PALS2: variants seen among roughly 807,000 people sequenced by gnomAD.
The protein encoded by PALS2 is protein associated with LIN7 2, MAGUK p55 family member, also known as protein PALS2.
PALS2 carries 27 observed loss-of-function variants against 61.6 expected under a neutral mutation model. That is an observed-to-expected ratio of 0.44 (90% CI 0.32 to 0.60). The LOEUF is 0.60. PALS2 is among the 20% of genes least tolerant of loss of function. The pLI, the probability that PALS2 is intolerant of heterozygous loss-of-function variation, is 0.05. For synonymous variants in PALS2, 236 were observed against 218.6 expected (o/e 1.08, Z -0.70); for missense variants, 554 against 639.4 (o/e 0.87, Z 1.44).
chr7:24,632,139 A>G (rs1229569186), intron 2 of PALS2, among the ~76,000 whole-genome samples: 1 of 152,204 alleles, frequency 6.6e-6, no homozygotes, highest in Non-Finnish European at 1.5e-5. Flanking sequence ...TGTTAAACAC[A>G]CATTCACTAA....
chr7:24,607,521 ATATG>A (rs1430790271), intron 1 of PALS2, among the ~76,000 whole-genome samples: 1 of 151,676 alleles, frequency 6.6e-6, no homozygotes, highest in Non-Finnish European at 1.5e-5. Context: ...ATATGTGTAT[ATATG>A]TGTGTGTATA....
intron 3 of PALS2, among the ~76,000 whole-genome samples, chr7:24,648,837 G>A (rs1201129440): frequency 6.6e-6 from 1 of 150,396 alleles, no homozygotes; most frequent in Non-Finnish European, 1.5e-5. Context: ...CCCAGGAAGT[G>A]GGGGTTGCAG....
In PALS2 at chr7:24,649,639, G is replaced by A. The variant is rs201115626; in HGVS notation, c.298G>A (p.Ala100Thr). The A allele has an allele frequency of 1.2e-6, 2 of 1,609,322 alleles. No individual in the cohort carries two copies. The highest frequency in any genetic ancestry group is 8.5e-7 in the Non-Finnish European group (1 of 1,177,856). Residue 100 changes from alanine to threonine, a missense_variant, in exon 4 of 12, where the codon GCA becomes ACA. Coordinates refer to ENST00000222644, the MANE Select transcript of PALS2 (RefSeq NM_001303037.2). ...ACTGTTGGAGGCCCATGATATTGTG[G>A]CATCAAAGTGTTATGATTCACCTCC... ...QSLLEAHDIV[A>T]SKCYDSPPSS... is the part of the protein sequence containing the mutation.
At chr7:24,682,640 C>T (rs1787995343) in intron 11 of PALS2, among the ~76,000 whole-genome samples, 1 of 152,136 alleles carries the variant, frequency 6.6e-6, no homozygotes, top group South Asian at 2.1e-4. Flanking sequence ...TTGTTTGATA[C>T]ATTTTGTCCA....
At position 24,691,403 on chromosome 7, in the gene PALS2, G is replaced by GTATATA. The variant is rs1198045237; in HGVS notation, c.*3790_*3791insATATAT. 4 of 108,072 alleles carry GTATATA rather than the reference G, an allele frequency of 3.7e-5. No individual in the cohort carries two copies. Among genetic ancestry groups the GTATATA allele is most frequent in the Admixed American group, 1.1e-4 (1 of 9,410 alleles). 6.7% of individuals were successfully genotyped at this position (108,072 alleles called of 1,614,324 possible). ...ATATATTATGTATGTGTGTGTGTGT[G>GTATATA]TGTATATATATATATATATATATAT... On this transcript the variant is annotated 3_prime_UTR_variant, in exon 12 of 12. Coordinates refer to ENST00000222644, the MANE Select transcript of PALS2 (RefSeq NM_001303037.2).
chr7:24,585,902 C>G (rs1783048680), intron 1 of PALS2, among the ~76,000 whole-genome samples: 1 of 152,134 alleles, frequency 6.6e-6, no homozygotes, highest in South Asian at 2.1e-4. Context: ...ATCTTCTACT[C>G]CTACTCTGCC....
chr7:24,649,902 A>G, intron 4 of PALS2, 138 bp downstream of exon 4: 1 of 757,412 alleles, frequency 1.3e-6, no homozygotes, highest in Non-Finnish European at 1.9e-6. Flanking sequence ...GTATAAAGAC[A>G]CAGCTGATGC....
chr7:24,681,548 G>A (rs1166336395), intron 11 of PALS2, among the ~76,000 whole-genome samples: 1 of 91,322 alleles, frequency 1.1e-5, no homozygotes, highest in South Asian at 3.2e-4. Flanking sequence ...TTTTTTTACT[G>A]TTGATTTGTT....
intron 9 of PALS2, among the ~76,000 whole-genome samples, chr7:24,668,996 T>C (rs80027999): frequency 0.016 from 2,453 of 152,292 alleles, 80 homozygotes; most frequent in African/African-American, 0.057. Context: ...GTTGGATTTT[T>C]CAGCCATTTT....
intron 3 of PALS2, among the ~76,000 whole-genome samples, chr7:24,648,985 G>A (rs1054265034): frequency 6.6e-6 from 1 of 151,016 alleles, no homozygotes; most frequent in Admixed American, 6.6e-5. Context: ...GTAAGTATAG[G>A]AGGTAAAAAA....
At chr7:24,575,881 G>A (rs1174536938) in intron 1 of PALS2, among the ~76,000 whole-genome samples, 5 of 152,044 alleles carry the variant, frequency 3.3e-5, no homozygotes, top group African/African-American at 1.2e-4. Flanking sequence ...TTGAAAAAGA[G>A]TATCTTGTAA....
chr7:24,650,648 A>C lies in PALS2; in HGVS notation c.587A>C (p.Asn196Thr). The change falls in exon 5 of 12, where the codon AAT (asparagine) becomes ACT (threonine). Residue 196 changes from asparagine (N) to threonine (T), a missense_variant. Physicochemically the swap from Asn to Thr is moderately conservative, Grantham distance 65. Transcript: ENST00000222644. ...NPKELQELLKNISGSVTLKIL... is the reference protein window; with the variant it reads ...NPKELQELLKTISGSVTLKIL... ...AAGGAATTACAAGAATTACTGAAAAATATTAGTGGAAGTGTCACCCTAAAA... is the reference window on the plus strand; with the variant it reads ...AAGGAATTACAAGAATTACTGAAAACTATTAGTGGAAGTGTCACCCTAAAA... The C allele has an allele frequency of 6.2e-7, 1 of 1,612,304 alleles. No homozygotes were observed. Among genetic ancestry groups the C allele is most frequent in the Non-Finnish European group, 8.5e-7 (1 of 1,178,524 alleles).
At chr7:24,643,324 A>C (rs1221358896) in intron 3 of PALS2, among the ~76,000 whole-genome samples, 1 of 152,192 alleles carries the variant, frequency 6.6e-6, no homozygotes, top group East Asian at 1.9e-4. Context: ...GCATATAAAA[A>C]TTTTAGAATA....
chr7:24,663,934 G>A (rs546997984), intron 6 of PALS2, among the ~76,000 whole-genome samples: 139 of 152,158 alleles, frequency 9.1e-4, no homozygotes, highest in Non-Finnish European at 1.8e-3. Flanking sequence ...CCAGCCTGTG[G>A]CACTAACCCA....
At position 24,595,416 on chromosome 7, in the gene PALS2, TAAATATATAAAAAATATATA is replaced by T. The variant is rs1276475280; in HGVS notation, c.-3+21829_-3+21848del. Among the ~76,000 whole-genome samples the T allele has an allele frequency of 3.5e-5, 5 of 141,486 alleles. No homozygotes were observed. In the Admixed American group the frequency reaches 3.7e-4, roughly 11 times the overall value. 92.8% of individuals were successfully genotyped at this position (141,486 alleles called of 152,430 possible). ...TTTATATATATATAAAAAATATATA[TAAATATATAAAAAATATATA>T]AAATACATAATATATAATATATATA... On this transcript the variant is annotated intron_variant, in intron 1 of 11. Coordinates refer to ENST00000222644, the MANE Select transcript of PALS2 (RefSeq NM_001303037.2).
chr7:24,580,796 G>C (rs1782812127), intron 1 of PALS2, among the ~76,000 whole-genome samples: 1 of 152,186 alleles, frequency 6.6e-6, no homozygotes, highest in African/African-American at 2.4e-5. Context: ...CTATCAAGAG[G>C]TTGGCGTTTA....
intron 1 of PALS2, among the ~76,000 whole-genome samples, chr7:24,608,695 T>C (rs1784012021): frequency 6.6e-6 from 1 of 152,154 alleles, no homozygotes; most frequent in Non-Finnish European, 1.5e-5. Flanking sequence ...TTGAACTCTT[T>C]GGCTCAAGTG....
At chr7:24,582,664 A>G (rs922314350) in intron 1 of PALS2, among the ~76,000 whole-genome samples, 2 of 152,046 alleles carry the variant, frequency 1.3e-5, no homozygotes, top group Admixed American at 1.3e-4. Context: ...AAAATGTTAT[A>G]TGGAAAACCT....
rs1788298048 is a variant in PALS2, at chr7:24,688,106, T to A, written c.*492T>A. On this transcript the variant is annotated 3_prime_UTR_variant, in exon 12 of 12. Transcript: ENST00000222644. ...TTATAAATTTCTTACAAAAGCAGAA[T>A]TTTAAGTCAGTGTTATAGCTAGTCT... 6.6e-6 allele frequency: 1 copy of A among 152,412 alleles called. No individual in the cohort carries two copies. Among genetic ancestry groups the A allele is most frequent in the Non-Finnish European group, 1.5e-5 (1 of 68,176 alleles). The allele number at this position is 152,412 out of a possible 1,614,324, so 9.4% of individuals were successfully genotyped here. A position where few individuals can be genotyped will look rare whatever the true frequency, so the allele number is the denominator to read the frequency against.
Sources: gnomAD v4.1 joint callset for allele counts (sites outside exome capture counted in the v4.1 genomes callset) on GRCh38, gnomAD v4.1.1 for gene constraint, MANE v1.5 for transcripts, NCBI Gene and HGNC (gene_info 2026-07-23, HGNC 2026-07-21) for gene names.